The following RTKN2 variants were observed in gnomAD, a reference collection of about 807,000 sequenced individuals.
RTKN2 encodes rhotekin 2, also known as rhotekin-2.
A neutral mutation model predicts 71.5 loss-of-function variants in RTKN2; 69 were observed. The observed-to-expected ratio is 0.96, with a 90% CI of 0.79 to 1.18. The LOEUF is 1.18. RTKN2 is among the 50% of genes most tolerant of loss of function. RTKN2 has a pLI of 0.00. For synonymous variants in RTKN2, 236 were observed against 236.5 expected (o/e 1.00, Z 0.02); for missense variants, 724 against 719.7 (o/e 1.01, Z -0.07).
chr10:62,186,787 A>C (rs1841143263), intron 8 of RTKN2, among the ~76,000 whole-genome samples: 1 of 152,180 alleles, frequency 6.6e-6, no homozygotes, highest in Admixed American at 6.5e-5. Context: ...CCTATGAATA[A>C]ATCCAACTAA....
intron 6 of RTKN2, among the ~76,000 whole-genome samples, chr10:62,226,224 T>A (rs1484044620): frequency 6.6e-6 from 1 of 152,194 alleles, no homozygotes; most frequent in Non-Finnish European, 1.5e-5. Flanking sequence ...GACAGTGATG[T>A]CTGATGGGAA....
At chr10:62,262,973 G>A in intron 1 of RTKN2, 152 bp from the exon 2 acceptor site, 1 of 516,280 alleles carries the variant, frequency 1.9e-6, no homozygotes. Flanking sequence ...ATTTTAAAAT[G>A]CTCTTTGCAA....
At chr10:62,262,163 A>C (rs1842785954) in intron 2 of RTKN2, among the ~76,000 whole-genome samples, 1 of 152,186 alleles carries the variant, frequency 6.6e-6, no homozygotes, top group Non-Finnish European at 1.5e-5. Context: ...ACTTATGTTC[A>C]CCATATCAAG....
chr10:62,223,884 T>C (rs377420753), intron 6 of RTKN2, among the ~76,000 whole-genome samples: 1 of 152,138 alleles, frequency 6.6e-6, no homozygotes, highest in Non-Finnish European at 1.5e-5. Context: ...AGCAGCATTA[T>C]TGACAATAGC....
In RTKN2 at chr10:62,204,986, TC is replaced by T. The variant is rs1564501538; in HGVS notation, c.1056del (p.Arg354GlufsTer16). 1 of 1,599,490 alleles carries T rather than the reference TC, an allele frequency of 6.3e-7. No individual in the cohort carries two copies. The highest frequency in any genetic ancestry group is 1.4e-5 in the African/African-American group (1 of 74,028). ...TRIRAMDKDA[K>X]KRIHNFSVIN... is the part of the protein sequence containing the mutation. ...ATGACAGAGAAATTATGGATTCTTT[TC>T]TTGGCATCCTTATCCATTGCCCGGA... On this transcript the variant is annotated frameshift_variant, in exon 10 of 12. Transcript: ENST00000373789. LOFTEE classifies it high-confidence loss of function.
chr10:62,207,711 G>T (rs541945049), intron 9 of RTKN2, among the ~76,000 whole-genome samples: 1 of 152,090 alleles, frequency 6.6e-6, no homozygotes, highest in East Asian at 1.9e-4. Context: ...CTAAAATATT[G>T]CCTAGTACTC....
chr10:62,184,143 C>T, exon 9 of RTKN2: 1 of 498,482 alleles, frequency 2.0e-6, no homozygotes, highest in Non-Finnish European at 3.5e-6. Context: ...AAAATGTTTA[C>T]TCAATGACTC....
At chr10:62,238,554 A>G (rs1305325406) in intron 5 of RTKN2, 1 of 151,988 alleles carries the variant, frequency 6.6e-6, no homozygotes, top group Non-Finnish European at 1.5e-5. Context: ...ATGGAAATAA[A>G]TGTATTCAGA....
chr10:62,267,656 G>T (rs1483249477), intron 1 of RTKN2, among the ~76,000 whole-genome samples: 1 of 152,104 alleles, frequency 6.6e-6, no homozygotes, highest in Non-Finnish European at 1.5e-5. Flanking sequence ...GGAAATCCCA[G>T]ATTTTTAAAC....
intron 8 of RTKN2, among the ~76,000 whole-genome samples, chr10:62,187,061 C>T (rs762816347): frequency 3.9e-5 from 6 of 152,100 alleles, no homozygotes; most frequent in Non-Finnish European, 7.4e-5. Flanking sequence ...GGGTTGAAAT[C>T]GGTCTAAAGT....
rs561247673 is a variant in RTKN2, at chr10:62,198,770, A to G, written c.1295-327T>C. 2.0e-5 allele frequency among the ~76,000 whole-genome samples: 3 copies of G among 152,298 alleles called. No individual in the cohort carries two copies. In the East Asian group the frequency reaches 5.8e-4, roughly 29 times the overall value. On this transcript the variant is annotated intron_variant, in intron 11 of 11. Coordinates refer to ENST00000373789, the MANE Select transcript of RTKN2 (RefSeq NM_145307.4). The stretch of plus-strand genomic sequence containing the variant: ...ATCCATCTTTCAAAGAAGTGGAGTT[A>G]TATGAGTTTTCTAAAAAATTCTATA...
intron 5 of RTKN2, among the ~76,000 whole-genome samples, chr10:62,237,340 T>C (rs1842279355): frequency 6.6e-6 from 1 of 151,900 alleles, no homozygotes; most frequent in Non-Finnish European, 1.5e-5. Flanking sequence ...AAAATAAGAA[T>C]TTGGAATAAG....
intron 2 of RTKN2, 59 bp downstream of exon 2, chr10:62,262,564 CTG>C (rs1297069063): frequency 4.4e-6 from 5 of 1,149,354 alleles, no homozygotes; most frequent in African/African-American, 3.1e-5. Context: ...TTAAATTATA[CTG>C]TGTTTTAAAT....
At chr10:62,229,774 AT>A (rs1842109643) in intron 6 of RTKN2, among the ~76,000 whole-genome samples, 1 of 152,106 alleles carries the variant, frequency 6.6e-6, no homozygotes, top group Non-Finnish European at 1.5e-5. Context: ...ATATGTTTAA[AT>A]TTTTTTCTTG....
intron 6 of RTKN2, among the ~76,000 whole-genome samples, chr10:62,234,900 G>A (rs1842223574): frequency 6.6e-6 from 1 of 152,018 alleles, no homozygotes; most frequent in African/African-American, 2.4e-5. Context: ...TACTGAAAGT[G>A]GGACAAAGCC....
intron 6 of RTKN2, among the ~76,000 whole-genome samples, chr10:62,227,280 A>G (rs903322721): frequency 2.2e-4 from 33 of 152,328 alleles, no homozygotes; most frequent in South Asian, 1.7e-3. Flanking sequence ...AGCTAAGTAA[A>G]GCATGGTGAA....
At chr10:62,237,380 A>C (rs542074844) in intron 5 of RTKN2, among the ~76,000 whole-genome samples, 8 of 152,106 alleles carry the variant, frequency 5.3e-5, no homozygotes, top group African/African-American at 1.9e-4. Context: ...ATGAGACAGA[A>C]TCTCTCAGTG....
rs1564496525 is a variant in RTKN2 at position 62,196,047 on chromosome 10, A to T, written c.*1861T>A. 1.1e-6 allele frequency: 1 copy of T among 918,482 alleles called. No individual in the cohort carries two copies. The highest frequency in any genetic ancestry group is 5.0e-5 in the South Asian group (1 of 19,926). 56.9% of individuals were successfully genotyped at this position (918,482 alleles called of 1,614,324 possible). On this transcript the variant is annotated 3_prime_UTR_variant, in exon 12 of 12. Transcript: ENST00000373789. ...GTAATAAAGGAAGGCATCAACTAGG[A>T]AAAAAAAAAGAATGCTTAGATGCCA...
At chr10:62,187,547 C>T (rs2132756809) in intron 8 of RTKN2, among the ~76,000 whole-genome samples, 1 of 152,236 alleles carries the variant, frequency 6.6e-6, no homozygotes, top group African/African-American at 2.4e-5. Context: ...AATGTGTCAC[C>T]CTCCCCTTGC....
Sources: gnomAD v4.1 joint callset for allele counts (sites outside exome capture counted in the v4.1 genomes callset) on GRCh38, gnomAD v4.1.1 for gene constraint, MANE v1.5 for transcripts, NCBI Gene and HGNC (gene_info 2026-07-23, HGNC 2026-07-21) for gene names.